Variants in ETS2 observed in about 807,000 individuals in gnomAD.
ETS2 encodes the protein ETS proto-oncogene 2, transcription factor.
Under a neutral mutation model 54.9 loss-of-function variants are expected in ETS2, and 19 were observed. The observed-to-expected ratio is 0.35, with a 90% CI of 0.24 to 0.51. ETS2 has a LOEUF of 0.51. Among genes scored for constraint, ETS2 ranks in the 20% least tolerant of loss-of-function variants. The probability of loss-of-function intolerance (pLI) is 0.97; values close to 1 mark genes in which losing one functional copy is unlikely to be tolerated. For synonymous variants in ETS2, 219 were observed against 229.3 expected (o/e 0.95, Z 0.41); for missense variants, 417 against 593.0 (o/e 0.70, Z 3.08).
rs776644154 is a variant in ETS2, at chr21:38,812,986, T to C, written c.73-17T>C. 1 of 1,558,596 alleles carries C rather than the reference T, an allele frequency of 6.4e-7. No homozygotes were observed. Among genetic ancestry groups the C allele is most frequent in the South Asian group, 1.1e-5 (1 of 89,928 alleles). On this transcript the variant is annotated splice_polypyrimidine_tract_variant and intron_variant, in intron 2 of 9. Coordinates refer to ENST00000360938, the MANE Select transcript of ETS2 (RefSeq NM_005239.6). ...TTAAATATTGTATTTCCATTTTTTT[T>C]CCATCTGTTTTTGCAGCGCCAGCCA...
intron 2 of ETS2, among the ~76,000 whole-genome samples, chr21:38,811,855 G>A (rs1031108404): frequency 5.3e-5 from 8 of 151,670 alleles, no homozygotes; most frequent in African/African-American, 9.7e-5. Context: ...TTGTTTTTTC[G>A]TTTTTGGTTT....
upstream of ETS2, chr21:38,805,352 G>A (rs142970446): frequency 6.2e-6 from 8 of 1,288,846 alleles, no homozygotes; most frequent in African/African-American, 1.1e-4. This position sits in a 1 kb window ranked among gnomAD's most constrained non-coding sequence, Gnocchi z 5.2. Context: ...CAAGAATGGG[G>A]TCGGCTCAAT....
intron 6 of ETS2, among the ~76,000 whole-genome samples, chr21:38,817,621 C>A (rs946789561): frequency 6.6e-6 from 1 of 152,150 alleles, no homozygotes; most frequent in African/African-American, 2.4e-5. Flanking sequence ...GCACAGAGTG[C>A]GTGAAAAGCA....
chr21:38,819,038 G>A (rs2060946491), intron 7 of ETS2, among the ~76,000 whole-genome samples: 1 of 152,218 alleles, frequency 6.6e-6, no homozygotes, highest in Non-Finnish European at 1.5e-5. Context: ...AGATAGAGAA[G>A]TTTCCAGTAG....
At chr21:38,805,664 C>T (rs1261037520), upstream of ETS2, 3 of 1,196,254 alleles carry the variant, frequency 2.5e-6, no homozygotes, top group Admixed American at 3.3e-5. This position sits in a 1 kb window ranked among gnomAD's most constrained non-coding sequence, Gnocchi z 5.2. Context: ...TCGCCGCCTC[C>T]GCCCTCCTCT....
Position 38,821,072 on chromosome 21 carries a change from C to T in ETS2, c.1076-514C>T, listed in dbSNP as rs1040041885. ...GACCCCGCGTGGCTATTGAGTAAAC[C>T]GGGCTCACATTAAGCAATTTACACA... is the stretch of plus-strand genomic sequence containing the variant. On this transcript the variant is annotated intron_variant, in intron 8 of 9. Transcript: ENST00000360938. The surrounding 1 kb of genome is among the most constrained non-coding windows in gnomAD (Gnocchi z 4.2). Among the ~76,000 whole-genome samples, 2 of 152,152 alleles carry T rather than the reference C, an allele frequency of 1.3e-5. No individual in the cohort carries two copies. The highest frequency in any genetic ancestry group is 1.5e-5 in the Non-Finnish European group (1 of 68,030).
At position 38,806,522 on chromosome 21, in the gene ETS2, G is replaced by A; in HGVS notation, c.-1+402G>A. On this transcript the variant is annotated intron_variant, in intron 1 of 9. Coordinates refer to ENST00000360938, the MANE Select transcript of ETS2 (RefSeq NM_005239.6). The surrounding 1 kb of genome is among the most constrained non-coding windows in gnomAD (Gnocchi z 4.3). ...AACATGATTTCGCGAACGGGAGTGG[G>A]GGCACAGGAGAGCGTGTCCGAGGTG... 2.0e-6 allele frequency: 2 copies of A among 985,526 alleles called. No homozygotes were observed. Among genetic ancestry groups the A allele is most frequent in the African/African-American group, 1.7e-5 (1 of 57,368 alleles). 61.0% of individuals were successfully genotyped at this position (985,526 alleles called of 1,614,324 possible).
Position 38,814,424 on chromosome 21 carries a change from T to G in ETS2, c.304+32T>G, listed in dbSNP as rs1314837716. The G allele has an allele frequency of 6.2e-7, 1 of 1,611,048 alleles. No individual in the cohort carries two copies. Among genetic ancestry groups the G allele is most frequent in the Non-Finnish European group, 8.5e-7 (1 of 1,178,820 alleles). On this transcript the variant is annotated intron_variant, in intron 4 of 9. Coordinates refer to ENST00000360938, the MANE Select transcript of ETS2 (RefSeq NM_005239.6). The surrounding 1 kb of genome is among the most constrained non-coding windows in gnomAD (Gnocchi z 4.2). ...ACTGCTTTCCTGAGCCTGCACTGGGTGAGAAGAACCAACTTCAGTGCAGTT... is the reference window on the plus strand; with the variant it reads ...ACTGCTTTCCTGAGCCTGCACTGGGGGAGAAGAACCAACTTCAGTGCAGTT...
At chr21:38,820,016 C>T (rs759615617) in intron 8 of ETS2, among the ~76,000 whole-genome samples, 2 of 152,192 alleles carry the variant, frequency 1.3e-5, no homozygotes, top group African/African-American at 4.8e-5. Context: ...CCACCTGGGA[C>T]GTTCTGAGGA....
At chr21:38,820,305 G>A (rs773910923) in intron 8 of ETS2, among the ~76,000 whole-genome samples, 4 of 152,036 alleles carry the variant, frequency 2.6e-5, no homozygotes, top group African/African-American at 7.3e-5. Flanking sequence ...TCACTGCTTC[G>A]TGTATCCTTA....
intron 1 of ETS2, among the ~76,000 whole-genome samples, chr21:38,807,002 C>A (rs959002576): frequency 6.6e-6 from 1 of 152,110 alleles, no homozygotes; most frequent in Non-Finnish European, 1.5e-5. Context: ...TATTTTAATT[C>A]GCCAGTAAGA....
At chr21:38,805,815 CTCTT>C, upstream of ETS2, 3 of 918,468 alleles carry the variant, frequency 3.3e-6, no homozygotes, top group African/African-American at 3.6e-5. The surrounding 1 kb of genome is among the most constrained non-coding windows in gnomAD (Gnocchi z 5.2). Context: ...CCTCCCCTCT[CTCTT>C]CTCTCCTCCC....
Position 38,817,083 on chromosome 21 carries a change from A to G in ETS2, c.581A>G (p.Asn194Ser). ...TCCGTTCCTCATTGGATTAACAGCA[A>G]TACATTAGGTCAGTCCGATTGATTC... ...LTSVPHWINS[N>S]TLGFGTEQAP... Residue 194 changes from asparagine (N) to serine (S), a missense_variant, in exon 6 of 10, where the codon AAT (asparagine) becomes AGT (serine). Transcript: ENST00000360938. 1 of 1,596,616 alleles carries G rather than the reference A, an allele frequency of 6.3e-7. No individual in the cohort carries two copies. Among genetic ancestry groups the G allele is most frequent in the Admixed American group, 1.7e-5 (1 of 59,988 alleles).
In ETS2 at chr21:38,821,401, A is replaced by G. The variant is rs1275072646; in HGVS notation, c.1076-185A>G. Among the ~76,000 whole-genome samples, 1 of 152,160 alleles carries G rather than the reference A, an allele frequency of 6.6e-6. No homozygotes were observed. The highest frequency in any genetic ancestry group is 2.4e-5 in the African/African-American group (1 of 41,434). On this transcript the variant is annotated intron_variant, in intron 8 of 9. Transcript: ENST00000360938. The surrounding 1 kb of genome is among the most constrained non-coding windows in gnomAD (Gnocchi z 4.2). ...GAACTCACATTTGGTGCCCCGCCCC[A>G]TCCCGTTAAAGCACTTAGTACTGTC... is the stretch of plus-strand genomic sequence containing the variant.
intron 6 of ETS2, among the ~76,000 whole-genome samples, chr21:38,818,069 C>T (rs2060942356): frequency 1.3e-5 from 2 of 152,318 alleles, no homozygotes. Context: ...CCTTATGAAT[C>T]ACACAGTACA....
intron 8 of ETS2, 105 bp downstream of exon 8, chr21:38,819,871 G>T: frequency 8.9e-7 from 1 of 1,126,396 alleles, no homozygotes. Context: ...TTCTAAGCTA[G>T]GTACACCAGT....
rs971406039 is a variant in ETS2 at position 38,821,510 on chromosome 21, A to C, written c.1076-76A>C. 2 of 1,056,150 alleles carry C rather than the reference A, an allele frequency of 1.9e-6. No homozygotes were observed. Among genetic ancestry groups the C allele is most frequent in the African/African-American group, 3.1e-5 (2 of 64,468 alleles). 65.4% of individuals were successfully genotyped at this position (1,056,150 alleles called of 1,614,324 possible). Reference sequence around the variant, plus strand: ...TCTGCATTCCTAAATCAGCATGTACAATTAGGATGGTTAAAGACTTGCTGT... The same window carrying C: ...TCTGCATTCCTAAATCAGCATGTACCATTAGGATGGTTAAAGACTTGCTGT... On this transcript the variant is annotated intron_variant, in intron 8 of 9. Coordinates refer to ENST00000360938, the MANE Select transcript of ETS2 (RefSeq NM_005239.6). The surrounding 1 kb of genome is among the most constrained non-coding windows in gnomAD (Gnocchi z 4.2).
chr21:38,806,141 G>T lies in ETS2; in HGVS notation c.-1+21G>T. The T allele has an allele frequency of 2.0e-6, 2 of 1,008,600 alleles. No homozygotes were observed. Among genetic ancestry groups the T allele is most frequent in the Non-Finnish European group, 2.4e-6 (2 of 844,182 alleles). The allele number at this position is 1,008,600 out of a possible 1,614,324, so 62.5% of individuals were successfully genotyped here. On this transcript the variant is annotated intron_variant, in intron 1 of 9. Coordinates refer to ENST00000360938, the MANE Select transcript of ETS2 (RefSeq NM_005239.6). This position sits in a 1 kb window ranked among gnomAD's most constrained non-coding sequence, Gnocchi z 4.3. ...GCAGGGTAAGAGCTGGGCCCGCAGA[G>T]AGCGCCCGGCGCGCGGCTCCAGTCC...
rs1322473294 is a variant in ETS2, at chr21:38,822,862, G to T, written c.1383G>T (p.Leu461=). 1 of 1,597,820 alleles carries T rather than the reference G, an allele frequency of 6.3e-7. No homozygotes were observed. The highest frequency in any genetic ancestry group is 8.6e-7 in the Non-Finnish European group (1 of 1,169,408). ...CGCCCGAGGAACTGCACGCCATCCTGGGCGTCCAGCCCGACACGGAGGACT... is the reference window on the plus strand; with the variant it reads ...CGCCCGAGGAACTGCACGCCATCCTTGGCGTCCAGCCCGACACGGAGGACT... The part of the protein sequence containing the change: ...GFTPEELHAI[L]GVQPDTED Residue 461 remains leucine (L), a synonymous_variant, in exon 10 of 10, where the codon CTG becomes CTT. Coordinates refer to ENST00000360938, the MANE Select transcript of ETS2 (RefSeq NM_005239.6).
Sources: allele counts gnomAD v4.1 joint callset (sites outside exome capture counted in the v4.1 genomes callset), GRCh38; gene constraint gnomAD v4.1.1; non-coding constraint Gnocchi (gnomAD v3.1); transcripts MANE v1.5; gene names NCBI Gene and HGNC (gene_info 2026-07-23, HGNC 2026-07-21).